Variants in PRTG observed in about 807,000 individuals in gnomAD.
PRTG encodes immunoglobulin superfamily, DCC subclass, member 5.
A neutral mutation model predicts 122.5 loss-of-function variants in PRTG; 67 were observed. The observed-to-expected ratio is 0.55, with a 90% CI of 0.45 to 0.67. The LOEUF is 0.67. Among genes scored for constraint, PRTG ranks in the 30% least tolerant of loss-of-function variants. PRTG has a pLI of 0.00. For missense variants in PRTG, 1,435 were observed against 1,415.4 expected, an observed-to-expected ratio of 1.01 and a Z score of -0.22; for synonymous variants, 554 against 501.1, an observed-to-expected ratio of 1.11 and a Z score of -1.41.
chr15:55,710,365 A>C (rs1159596633), intron 2 of PRTG, among the ~76,000 whole-genome samples: 1 of 152,214 alleles, frequency 6.6e-6, no homozygotes, highest in Non-Finnish European at 1.5e-5. Flanking sequence ...TTATACACAT[A>C]CAATTTATTG....
At chr15:55,675,494 A>G (rs2059497557) in intron 9 of PRTG, 25 bp downstream of exon 9, 2 of 1,521,632 alleles carry the variant, frequency 1.3e-6, no homozygotes, top group African/African-American at 1.4e-5. Flanking sequence ...TCATACTGAA[A>G]TGATCTAGAA....
intron 2 of PRTG, among the ~76,000 whole-genome samples, chr15:55,689,472 C>G (rs1211547450): frequency 1.3e-5 from 2 of 149,692 alleles, no homozygotes; most frequent in African/African-American, 2.5e-5. Context: ...TGAGCGTTTG[C>G]AAAAAAAAGA....
chr15:55,740,854 T>C (rs1433012570), intron 1 of PRTG, among the ~76,000 whole-genome samples, 170 bp from the exon 2 acceptor site: 2 of 152,258 alleles, frequency 1.3e-5, no homozygotes, highest in East Asian at 1.9e-4. Context: ...CAGCAAACTC[T>C]TTCAACAAGT....
At position 55,637,175 on chromosome 15, in the gene PRTG, C is replaced by T. The variant is rs775758918; in HGVS notation, c.2618G>A (p.Arg873His). ...WIAGEWQVLH[R>H]EGAITMALLE... ...TGGCAATTTATGATATTTACCTTCA[C>T]GGTGTAAGACCTGCCACTCTCCTGC... The change falls in exon 15 of 20, where the codon CGT (arginine) becomes CAT (histidine). Residue 873 changes from arginine to histidine, a missense_variant. Coordinates refer to ENST00000389286, the MANE Select transcript of PRTG (RefSeq NM_173814.6). The T allele has an allele frequency of 1.7e-5, 26 of 1,543,880 alleles. No homozygotes were observed. Among genetic ancestry groups the T allele is most frequent in the African/African-American group, 6.9e-5 (5 of 72,760 alleles).
intron 11 of PRTG, among the ~76,000 whole-genome samples, chr15:55,667,139 T>C (rs768757951): frequency 1.9e-4 from 29 of 151,878 alleles, no homozygotes; most frequent in Non-Finnish European, 3.5e-4. Flanking sequence ...ATACCTCTAA[T>C]TCATCCAGAG....
chr15:55,678,213 G>A (rs1199839015), intron 7 of PRTG, among the ~76,000 whole-genome samples, 169 bp from the exon 8 acceptor site: 1 of 151,962 alleles, frequency 6.6e-6, no homozygotes, highest in African/African-American at 2.4e-5. Context: ...AGATTTTTTG[G>A]TGTGTTTTTG....
chr15:55,672,008 G>T (rs1457676771), intron 11 of PRTG, among the ~76,000 whole-genome samples: 3 of 152,106 alleles, frequency 2.0e-5, no homozygotes, highest in Admixed American at 6.5e-5. Context: ...TCATATGTAA[G>T]GGCATTATTT....
intron 14 of PRTG, among the ~76,000 whole-genome samples, chr15:55,638,153 T>C (rs1372131726): frequency 6.6e-6 from 1 of 152,202 alleles, no homozygotes; most frequent in Non-Finnish European, 1.5e-5. Context: ...GATATACAAA[T>C]TGCACTGTGC....
At chr15:55,721,140 C>T (rs752163761) in intron 2 of PRTG, among the ~76,000 whole-genome samples, 7 of 152,240 alleles carry the variant, frequency 4.6e-5, no homozygotes, top group African/African-American at 7.2e-5. Context: ...TGATTCCCCA[C>T]ATCTAACAAG....
At chr15:55,620,600 T>C in intron 19 of PRTG, 63 bp downstream of exon 19, 1 of 1,532,284 alleles carries the variant, frequency 6.5e-7, no homozygotes, top group Non-Finnish European at 8.7e-7. Context: ...CATTTTCCTC[T>C]TTTTAAATCA....
intron 11 of PRTG, among the ~76,000 whole-genome samples, chr15:55,658,825 T>G (rs1164127849): frequency 1.3e-5 from 2 of 152,228 alleles, no homozygotes; most frequent in Admixed American, 1.3e-4. Context: ...TTTATTTTCT[T>G]AAGTTTTGTG....
chr15:55,680,288 G>C, intron 5 of PRTG, 76 bp from the exon 6 acceptor site: 1 of 1,248,370 alleles, frequency 8.0e-7, no homozygotes, highest in Non-Finnish European at 1.1e-6. Flanking sequence ...CACTATCCAA[G>C]CAATCAATCA....
At chr15:55,742,631 C>T in intron 1 of PRTG, 1 of 582,892 alleles carries the variant, frequency 1.7e-6, no homozygotes, top group Non-Finnish European at 2.9e-6. Flanking sequence ...CAGCCCTGCC[C>T]AAGCAGCGCA....
chr15:55,639,233 C>A lies in PRTG; in HGVS notation c.2324+409G>T, dbSNP rs180711393. Reference sequence around the variant, plus strand: ...AAGCAATCCTACCACCTCAGCCCCCCCAAAATCATTCTTTTAGAGCACCGT... The same window carrying A: ...AAGCAATCCTACCACCTCAGCCCCCACAAAATCATTCTTTTAGAGCACCGT... On this transcript the variant is annotated intron_variant, in intron 13 of 19. Coordinates refer to ENST00000389286, the MANE Select transcript of PRTG (RefSeq NM_173814.6). Among the ~76,000 whole-genome samples the A allele has an allele frequency of 7.4e-4, 112 of 152,234 alleles. 1 individual carries two copies. Among genetic ancestry groups the A allele is most frequent in the South Asian group, 4.6e-3 (22 of 4,818 alleles).
chr15:55,637,251 T>C lies in PRTG; in HGVS notation c.2542A>G (p.Thr848Ala). The C allele has an allele frequency of 6.2e-7, 1 of 1,614,088 alleles. No homozygotes were observed. The highest frequency in any genetic ancestry group is 1.1e-5 in the South Asian group (1 of 91,058). ...AAGATAGTATAGCGGGTCACAACTG[T>C]TTCTGGGCCATCAGGGGGTTTCCAA... The part of the protein sequence containing the change: ...VSWKPPDGPE[T>A]VVTRYTILYA... Residue 848 changes from threonine to alanine, a missense_variant, in exon 15 of 20, where the codon ACA becomes GCA. Transcript: ENST00000389286.
chr15:55,693,863 T>C (rs914336638), intron 2 of PRTG, among the ~76,000 whole-genome samples: 55 of 152,322 alleles, frequency 3.6e-4, no homozygotes, highest in African/African-American at 1.3e-3. Context: ...ATACACTGGT[T>C]TTATTTTCAG....
chr15:55,643,660 G>C (rs911620274), intron 11 of PRTG, among the ~76,000 whole-genome samples: 12 of 152,038 alleles, frequency 7.9e-5, no homozygotes, highest in African/African-American at 2.9e-4. Flanking sequence ...CTGCACTCAA[G>C]CTATCTGCCC....
At position 55,619,938 on chromosome 15, in the gene PRTG, T is replaced by G. The variant is rs944628206; in HGVS notation, c.*74A>C. 6 of 1,582,154 alleles carry G rather than the reference T, an allele frequency of 3.8e-6. No individual in the cohort carries two copies. The highest frequency in any genetic ancestry group is 1.2e-5 in the South Asian group (1 of 84,728). ...AGAACTAAGGAGGAAGTCTGCTCAC[T>G]AACAGATGACACAGCAGGGTCTTCA... On this transcript the variant is annotated 3_prime_UTR_variant, in exon 20 of 20. Transcript: ENST00000389286.
At chr15:55,730,362 A>G (rs1197790563) in intron 2 of PRTG, among the ~76,000 whole-genome samples, 3 of 151,338 alleles carry the variant, frequency 2.0e-5, no homozygotes, top group Admixed American at 6.6e-5. Context: ...TCGGCCTCCC[A>G]AAGTGCTGGG....
Sources: allele counts gnomAD v4.1 joint callset (sites outside exome capture counted in the v4.1 genomes callset), GRCh38; gene constraint gnomAD v4.1.1; transcripts MANE v1.5; gene names NCBI Gene and HGNC (gene_info 2026-07-23, HGNC 2026-07-21).